ZNF131: variants seen among roughly 807,000 people sequenced by gnomAD.
ZNF131 encodes zinc finger and BTB domain containing 35, also known as zinc finger protein 131.
In ZNF131, 7 loss-of-function variants were observed where a neutral mutation model predicts 60.0. That is an observed-to-expected ratio of 0.12 (90% CI 0.07 to 0.22). The LOEUF (loss-of-function observed/expected upper bound fraction) is 0.22, where lower values mean the gene tolerates loss of function less well. Among genes scored for constraint, ZNF131 ranks in the 10% least tolerant of loss-of-function variants. The pLI is 1.00. For missense variants in ZNF131, 493 were observed against 740.9 expected, an observed-to-expected ratio of 0.67 and a Z score of 3.88; for synonymous variants, 257 against 253.2, an observed-to-expected ratio of 1.01 and a Z score of -0.14.
chr5:43,142,929 C>G (rs1298198085), intron 4 of ZNF131, among the ~76,000 whole-genome samples: 1 of 151,936 alleles, frequency 6.6e-6, no homozygotes, highest in Non-Finnish European at 1.5e-5. Context: ...CTCCTGGGCT[C>G]AAGAGACGTG....
chr5:43,133,139 G>A (rs563517219), intron 3 of ZNF131, among the ~76,000 whole-genome samples: 14 of 152,122 alleles, frequency 9.2e-5, no homozygotes, highest in Admixed American at 6.6e-4. Flanking sequence ...ACACAAAACC[G>A]TCAAAAGTAT....
At chr5:43,137,570 G>A (rs1746281539) in intron 3 of ZNF131, among the ~76,000 whole-genome samples, 1 of 140,374 alleles carries the variant, frequency 7.1e-6, no homozygotes, top group Non-Finnish European at 1.6e-5. Flanking sequence ...CTTTCAGGAT[G>A]GCTATCAAAA....
At chr5:43,156,815 TC>T (rs1252261742) in intron 4 of ZNF131, among the ~76,000 whole-genome samples, 1 of 151,916 alleles carries the variant, frequency 6.6e-6, no homozygotes, top group Admixed American at 6.6e-5. Context: ...GGTGGGAGGA[TC>T]ACTTGAGCTC....
chr5:43,133,905 A>G (rs1579742021), intron 3 of ZNF131, among the ~76,000 whole-genome samples: 1 of 152,328 alleles, frequency 6.6e-6, no homozygotes, highest in African/African-American at 2.4e-5. Context: ...CCTTCCAACA[A>G]AGAAAAGCGT....
At chr5:43,150,644 TAGCTG>T (rs1454595598) in intron 4 of ZNF131, among the ~76,000 whole-genome samples, 2 of 151,998 alleles carry the variant, frequency 1.3e-5, no homozygotes, top group Non-Finnish European at 2.9e-5. Context: ...ACAAAAAAAT[TAGCTG>T]GGCACGGTGA....
intron 4 of ZNF131, among the ~76,000 whole-genome samples, chr5:43,158,470 A>G (rs999215637): frequency 1.3e-5 from 2 of 151,516 alleles, no homozygotes; most frequent in African/African-American, 4.9e-5. Flanking sequence ...TTGTATTTTT[A>G]GTAGAGATGG....
At chr5:43,148,628 A>C (rs576908986) in intron 4 of ZNF131, among the ~76,000 whole-genome samples, 3 of 152,352 alleles carry the variant, frequency 2.0e-5, no homozygotes, top group Admixed American at 2.0e-4. Flanking sequence ...GCTATGTTTT[A>C]ATAAAACGTT....
At chr5:43,137,270 C>CT (rs1338730006) in intron 3 of ZNF131, among the ~76,000 whole-genome samples, 1 of 151,932 alleles carries the variant, frequency 6.6e-6, no homozygotes, top group Non-Finnish European at 1.5e-5. Context: ...AAAAGGAAAT[C>CT]TAAGGAATGG....
chr5:43,128,041 TCTAGAGTAATGC>T (rs1744778502), intron 3 of ZNF131, among the ~76,000 whole-genome samples: 1 of 152,180 alleles, frequency 6.6e-6, no homozygotes, highest in African/African-American at 2.4e-5. Flanking sequence ...ATTCCCTGAG[TCTAGAGTAATGC>T]CACAATGCTG....
At chr5:43,162,614 A>G (rs1749840153) in intron 5 of ZNF131, among the ~76,000 whole-genome samples, 1 of 131,518 alleles carries the variant, frequency 7.6e-6, no homozygotes, top group South Asian at 2.5e-4. Flanking sequence ...AAGAAAAGAA[A>G]AAAAAGCGGC....
intron 3 of ZNF131, chr5:43,125,175 T>C (rs549162306): frequency 1.3e-5 from 2 of 152,006 alleles, no homozygotes; most frequent in South Asian, 4.1e-4. Flanking sequence ...AACAGGCAAA[T>C]AAAGGAGTGC....
intron 4 of ZNF131, among the ~76,000 whole-genome samples, chr5:43,140,786 G>A (rs1471237521): frequency 2.6e-5 from 4 of 152,110 alleles, no homozygotes; most frequent in Non-Finnish European, 5.9e-5. Flanking sequence ...GCACAATCTC[G>A]GCTCACTGCA....
intron 4 of ZNF131, among the ~76,000 whole-genome samples, chr5:43,151,770 C>T (rs1032343574): frequency 1.3e-5 from 2 of 151,948 alleles, no homozygotes; most frequent in Non-Finnish European, 2.9e-5. Flanking sequence ...GAAATTAGTA[C>T]CTGGCTTCCA....
At chr5:43,147,603 G>A (rs1387662097) in intron 4 of ZNF131, among the ~76,000 whole-genome samples, 1 of 151,004 alleles carries the variant, frequency 6.6e-6, no homozygotes, top group African/African-American at 2.4e-5. Context: ...TGTATTTTTA[G>A]TAGAGATGGG....
intron 4 of ZNF131, among the ~76,000 whole-genome samples, chr5:43,151,098 C>G (rs188330823): frequency 1.3e-5 from 2 of 152,088 alleles, no homozygotes; most frequent in East Asian, 1.9e-4. Context: ...AGGATGTCTA[C>G]TAGGGCAAGT....
intron 4 of ZNF131, among the ~76,000 whole-genome samples, chr5:43,149,525 T>C (rs891570892): frequency 6.6e-6 from 1 of 152,200 alleles, no homozygotes; most frequent in Non-Finnish European, 1.5e-5. Flanking sequence ...TTTTTGGACA[T>C]ACGCTTTCAT....
At chr5:43,147,429 A>ATTTAT (rs2111654324) in intron 4 of ZNF131, among the ~76,000 whole-genome samples, 1 of 150,330 alleles carries the variant, frequency 6.7e-6, no homozygotes, top group South Asian at 2.1e-4. Flanking sequence ...TTATTTATTT[A>ATTTAT]TTTTTTGAGA....
intron 6 of ZNF131, among the ~76,000 whole-genome samples, chr5:43,174,159 C>T (rs541819303): frequency 1.1e-3 from 164 of 152,210 alleles, no homozygotes; most frequent in African/African-American, 3.9e-3. Context: ...ACCCAGGAGA[C>T]GGAGGTTGCA....
intron 5 of ZNF131, among the ~76,000 whole-genome samples, chr5:43,162,512 A>G (rs2111967137): frequency 6.6e-6 from 1 of 151,140 alleles, no homozygotes; most frequent in East Asian, 2.0e-4. Context: ...GAATTGCTTG[A>G]ACCCGGGAGG....
Sources: allele counts gnomAD v4.1 joint callset (sites outside exome capture counted in the v4.1 genomes callset), GRCh38; gene constraint gnomAD v4.1.1; transcripts MANE v1.5; gene names NCBI Gene and HGNC (gene_info 2026-07-23, HGNC 2026-07-21).